MECR: variants seen among roughly 807,000 people sequenced by gnomAD.
The protein encoded by MECR is enoyl-[acyl-carrier-protein] reductase, mitochondrial.
MECR carries 37 observed loss-of-function variants against 49.1 expected under a neutral mutation model. The ratio of observed to expected loss-of-function variants is 0.75; its 90% CI spans 0.58 to 0.99. The LOEUF (loss-of-function observed/expected upper bound fraction) is 0.99, where lower values mean the gene tolerates loss of function less well. MECR is among the 50% of genes least tolerant of loss of function. The pLI, the probability that MECR is intolerant of heterozygous loss-of-function variation, is 0.00. For missense variants in MECR, 470 were observed against 479.6 expected, an observed-to-expected ratio of 0.98 and a Z score of 0.19; for synonymous variants, 198 against 191.1, an observed-to-expected ratio of 1.04 and a Z score of -0.30.
intron 6 of MECR, 30 bp from the exon 7 acceptor site, chr1:29,200,619 G>C: frequency 1.2e-6 from 2 of 1,600,124 alleles, no homozygotes; most frequent in Middle Eastern, 1.7e-4. Flanking sequence ...CAGTGAGGGA[G>C]CATCCCCGCT....
At chr1:29,230,647 G>A (rs1361181385) in intron 1 of MECR, 84 bp downstream of exon 1, 2 of 1,492,402 alleles carry the variant, frequency 1.3e-6, no homozygotes, top group African/African-American at 1.4e-5. Context: ...CTCGGACCCT[G>A]TCCCTCTCTT....
At chr1:29,222,730 G>A (rs979726597) in intron 1 of MECR, among the ~76,000 whole-genome samples, 1 of 152,154 alleles carries the variant, frequency 6.6e-6, no homozygotes, top group Non-Finnish European at 1.5e-5. Context: ...GCAGGGGTGA[G>A]GGTTTAGGAG....
In MECR at chr1:29,201,903, G is replaced by A. The variant is rs752582721; in HGVS notation, c.756+40C>T. ...GCATGTCAACTTTCTTCAGGGAGAT[G>A]TGCGTGGACTGGAGGGGCAATGTCC... On this transcript the variant is annotated intron_variant, in intron 6 of 9. Coordinates refer to ENST00000263702, the MANE Select transcript of MECR (RefSeq NM_016011.5). The surrounding 1 kb of genome is among the most constrained non-coding windows in gnomAD (Gnocchi z 4.3). 6 of 1,476,410 alleles carry A rather than the reference G, an allele frequency of 4.1e-6. No homozygotes were observed. The highest frequency in any genetic ancestry group is 1.7e-5 in the Admixed American group (1 of 59,656). The allele number at this position is 1,476,410 out of a possible 1,614,324, so 91.5% of individuals were successfully genotyped here.
At chr1:29,219,754 C>T (rs2151905208) in intron 1 of MECR, among the ~76,000 whole-genome samples, 1 of 152,246 alleles carries the variant, frequency 6.6e-6, no homozygotes, top group African/African-American at 2.4e-5. Context: ...GTTTCTGCAG[C>T]AAAATGTAGG....
the MECR span, among the ~76,000 whole-genome samples, chr1:29,175,052 G>GA: frequency 6.6e-6 from 1 of 150,844 alleles, no homozygotes; most frequent in Non-Finnish European, 1.5e-5. Context: ...ACCTGTATGT[G>GA]AAAAAAAGTA....
chr1:29,173,466 C>CTTTTT, the MECR span: 1 of 73,070 alleles, frequency 1.4e-5, no homozygotes, highest in Non-Finnish European at 2.6e-5. Context: ...TTTTTTTTTT[C>CTTTTT]TTTTTTTTTT....
At chr1:29,217,368 C>T (rs1238713846) in intron 1 of MECR, among the ~76,000 whole-genome samples, 1 of 148,694 alleles carries the variant, frequency 6.7e-6, no homozygotes, top group Non-Finnish European at 1.5e-5. Flanking sequence ...TGCCACCACG[C>T]CCGGCTAATT....
the MECR span, among the ~76,000 whole-genome samples, chr1:29,181,025 A>G: frequency 1.3e-5 from 2 of 152,192 alleles, no homozygotes; most frequent in African/African-American, 4.8e-5. Flanking sequence ...AGAAGTTAAG[A>G]CTTTAATTTA....
intron 4 of MECR, 143 bp from the exon 5 acceptor site, chr1:29,203,376 C>A: frequency 3.3e-6 from 2 of 600,562 alleles, no homozygotes; most frequent in South Asian, 2.1e-5. Flanking sequence ...TCTTCTCAGA[C>A]CTTCCACTGT....
the MECR span, chr1:29,168,974 C>T: frequency 7.2e-5 from 11 of 152,244 alleles, no homozygotes; most frequent in Middle Eastern, 3.4e-3. Context: ...CAGAAAAGTA[C>T]CATGCAGATG....
the MECR span, among the ~76,000 whole-genome samples, chr1:29,182,174 G>T: frequency 1.3e-5 from 2 of 152,304 alleles, no homozygotes; most frequent in African/African-American, 4.8e-5. Context: ...GCGAGCGAGC[G>T]TTTGTGCTTT....
In MECR at chr1:29,195,946, C is replaced by T; in HGVS notation, c.959G>A (p.Ser320Asn). 6.2e-7 allele frequency: 1 copy of T among 1,614,236 alleles called. No individual in the cohort carries two copies. The highest frequency in any genetic ancestry group is 8.5e-7 in the Non-Finnish European group (1 of 1,180,042). Reference protein sequence around the residue: ...FWLSQWKKDHSPDQFKELILT... With the variant: ...FWLSQWKKDHNPDQFKELILT... The stretch of plus-strand genomic sequence containing the variant: ...GCACTGGGCCATGCACTCACCTGGA[C>T]TGTGATCCTTCTTCCACTGGGACAA... The change falls in exon 9 of 10, where the codon AGT becomes AAT. Residue 320 changes from serine (S) to asparagine (N), a missense_variant. Physicochemically the swap from Ser to Asn is conservative, Grantham distance 46 (BLOSUM62 1). Coordinates refer to ENST00000263702, the MANE Select transcript of MECR (RefSeq NM_016011.5).
the MECR span, among the ~76,000 whole-genome samples, chr1:29,181,094 T>C: frequency 6.6e-6 from 1 of 152,192 alleles, no homozygotes; most frequent in Non-Finnish European, 1.5e-5. Context: ...TTCGAAACTG[T>C]CACTAGACTA....
At chr1:29,169,086 T>C in the MECR span, 2 of 152,260 alleles carry the variant, frequency 1.3e-5, no homozygotes, top group African/African-American at 4.8e-5. Flanking sequence ...TAATTACTAC[T>C]CCTATTTTTG....
chr1:29,179,347 CAA>C, the MECR span, among the ~76,000 whole-genome samples: 2 of 151,890 alleles, frequency 1.3e-5, no homozygotes, highest in African/African-American at 4.8e-5. Context: ...CATCAAAAAG[CAA>C]AAAAAGTCAG....
rs755295690 is a variant in MECR at position 29,230,871 on chromosome 1, G to A, written c.36C>T (p.Thr12=). The change falls in exon 1 of 10, where the codon ACC becomes ACT. Residue 12 remains threonine, a synonymous_variant. Coordinates refer to ENST00000263702, the MANE Select transcript of MECR (RefSeq NM_016011.5). ...GCAGCCCCCGCCACTGCCGGGCGGG[G>A]GTTCGCACCCGCCACAGGGTACTGC... ...WVCSTLWRVR[T]PARQWRGLLP... The A allele has an allele frequency of 1.2e-5, 19 of 1,607,442 alleles. No homozygotes were observed. The South Asian group carries it at 1.4e-4, about 12-fold the overall frequency.
rs748856459 is a variant in MECR at position 29,201,424 on chromosome 1, G to A, written c.756+519C>T. On this transcript the variant is annotated intron_variant, in intron 6 of 9. Coordinates refer to ENST00000263702, the MANE Select transcript of MECR (RefSeq NM_016011.5). The surrounding 1 kb of genome is among the most constrained non-coding windows in gnomAD (Gnocchi z 4.3). Reference sequence around the variant, plus strand: ...TGGAAGGTTAAGAGGCTTTGAGTTCGGAGAGACTGAGGCCAGCTCTGACTC... The same window carrying A: ...TGGAAGGTTAAGAGGCTTTGAGTTCAGAGAGACTGAGGCCAGCTCTGACTC... 3.0e-5 allele frequency: 16 copies of A among 531,736 alleles called. No individual in the cohort carries two copies. Among genetic ancestry groups the A allele is most frequent in the South Asian group, 1.8e-4 (13 of 71,104 alleles). The allele number at this position is 531,736 out of a possible 1,614,324, so 32.9% of individuals were successfully genotyped here. A position where few individuals can be genotyped will look rare whatever the true frequency, so the allele number is the denominator to read the frequency against.
chr1:29,225,424 C>T (rs554563991), intron 1 of MECR, among the ~76,000 whole-genome samples: 7 of 152,174 alleles, frequency 4.6e-5, no homozygotes, highest in African/African-American at 1.2e-4. Context: ...CTGACTAACC[C>T]GAGGGGGTTA....
chr1:29,171,391 T>C, the MECR span: 3 of 148,538 alleles, frequency 2.0e-5, no homozygotes, highest in African/African-American at 7.5e-5. Flanking sequence ...AAGCTTTGAA[T>C]GTCAATGCCC....
Sources: allele counts gnomAD v4.1 joint callset (sites outside exome capture counted in the v4.1 genomes callset), GRCh38; gene constraint gnomAD v4.1.1; non-coding constraint Gnocchi (gnomAD v3.1); transcripts MANE v1.5; gene names NCBI Gene and HGNC (gene_info 2026-07-23, HGNC 2026-07-21).